Variants in EZH2 observed in about 807,000 individuals in gnomAD.
EZH2 encodes the protein enhancer of zeste 2 polycomb repressive complex 2 subunit, also known as histone-lysine N-methyltransferase EZH2.
EZH2 carries 18 observed loss-of-function variants against 98.4 expected under a neutral mutation model. That is an observed-to-expected ratio of 0.18 (90% CI 0.13 to 0.27). The LOEUF (loss-of-function observed/expected upper bound fraction) is 0.27. Among genes scored for constraint, EZH2 ranks in the 10% least tolerant of loss-of-function variants. The pLI, the probability that EZH2 is intolerant of heterozygous loss-of-function variation, is 1.00. For missense variants in EZH2, 470 were observed against 935.1 expected, an observed-to-expected ratio of 0.50 and a Z score of 6.49; for synonymous variants, 338 against 312.3, an observed-to-expected ratio of 1.08 and a Z score of -0.87.
chr7:148,859,505 A>C (rs375433390), intron 1 of EZH2, among the ~76,000 whole-genome samples: 1 of 150,172 alleles, frequency 6.7e-6, no homozygotes, highest in Non-Finnish European at 1.5e-5. Flanking sequence ...TCTGTCTCAA[A>C]AACAACAACA....
intron 1 of EZH2, among the ~76,000 whole-genome samples, chr7:148,853,241 G>A (rs1816177303): frequency 6.6e-6 from 1 of 152,090 alleles, no homozygotes; most frequent in Admixed American, 6.6e-5. Flanking sequence ...GTAAAACCCT[G>A]TTTCTACTAA....
At chr7:148,815,441 T>G in intron 13 of EZH2, 65 bp downstream of exon 13, 1 of 1,522,988 alleles carries the variant, frequency 6.6e-7, no homozygotes, top group Middle Eastern at 1.7e-4. Flanking sequence ...GTTACTATTC[T>G]AAAACAAATG....
intron 1 of EZH2, among the ~76,000 whole-genome samples, chr7:148,858,279 A>G (rs1472739341): frequency 7.1e-6 from 1 of 141,184 alleles, no homozygotes; most frequent in Non-Finnish European, 1.6e-5. Flanking sequence ...GTGACAGAGC[A>G]AGACTCTGTC....
intron 1 of EZH2, among the ~76,000 whole-genome samples, chr7:148,852,660 C>A (rs1190533558): frequency 1.3e-5 from 2 of 152,130 alleles, no homozygotes; most frequent in African/African-American, 4.8e-5. Context: ...TGGAGAAGAG[C>A]CTCAAAGAAC....
At chr7:148,809,040 A>C in intron 19 of EZH2, 31 bp downstream of exon 19, 3 of 1,571,134 alleles carry the variant, frequency 1.9e-6, no homozygotes, top group Non-Finnish European at 2.6e-6. Flanking sequence ...AAAAGCCCTT[A>C]GAGATCATGC....
intron 1 of EZH2, among the ~76,000 whole-genome samples, chr7:148,857,754 T>C (rs1817051831): frequency 6.8e-6 from 1 of 147,652 alleles, no homozygotes. Context: ...CCGTCCCAAA[T>C]AAATAAATAA....
chr7:148,854,172 G>A (rs542177095), intron 1 of EZH2, among the ~76,000 whole-genome samples: 9 of 152,314 alleles, frequency 5.9e-5, no homozygotes, highest in South Asian at 4.1e-4. Flanking sequence ...ACCGGGAGGC[G>A]CGGTGGCTCA....
intron 8 of EZH2, 36 bp downstream of exon 8, chr7:148,826,418 A>C: frequency 6.7e-7 from 1 of 1,494,002 alleles, no homozygotes. Context: ...GCTTTAAAAC[A>C]TAATTCCACA....
At chr7:148,840,423 A>T (rs191951272) in intron 3 of EZH2, among the ~76,000 whole-genome samples, 2 of 152,196 alleles carry the variant, frequency 1.3e-5, no homozygotes, top group Non-Finnish European at 2.9e-5. Context: ...AATAATTTTT[A>T]AAAATAAAAT....
intron 3 of EZH2, among the ~76,000 whole-genome samples, chr7:148,844,876 T>C (rs1215661466): frequency 6.6e-6 from 1 of 152,176 alleles, no homozygotes; most frequent in African/African-American, 2.4e-5. Flanking sequence ...CTGAGCAAAG[T>C]GTGCTCTTCT....
At chr7:148,808,871 T>C (rs1425774934) in intron 19 of EZH2, among the ~76,000 whole-genome samples, 200 bp downstream of exon 19, 2 of 152,148 alleles carry the variant, frequency 1.3e-5, no homozygotes, top group Admixed American at 6.5e-5. Context: ...TTTACTCTAT[T>C]TTAAAAATAA....
chr7:148,844,854 T>TA (rs1260201775), intron 3 of EZH2, among the ~76,000 whole-genome samples: 11 of 152,170 alleles, frequency 7.2e-5, no homozygotes, highest in Non-Finnish European at 1.2e-4. Context: ...ACTTCACTAA[T>TA]ACTTCATGTG....
At chr7:148,813,035 C>A (rs920650369) in intron 15 of EZH2, among the ~76,000 whole-genome samples, 2 of 147,830 alleles carry the variant, frequency 1.4e-5, no homozygotes, top group Admixed American at 6.9e-5. Context: ...AAAGATATGT[C>A]TACTCTACAC....
chr7:148,819,961 A>C (rs1805539942), intron 8 of EZH2, among the ~76,000 whole-genome samples: 3 of 152,226 alleles, frequency 2.0e-5, no homozygotes, highest in Non-Finnish European at 4.4e-5. Flanking sequence ...ACTGATGCGC[A>C]TAACTATGGT....
At chr7:148,870,719 G>A (rs1304345883) in intron 1 of EZH2, among the ~76,000 whole-genome samples, 1 of 149,152 alleles carries the variant, frequency 6.7e-6, no homozygotes, top group Non-Finnish European at 1.5e-5. Flanking sequence ...AAAGTATAAA[G>A]TTCATCTTAT....
rs548827822 is a variant in EZH2 at position 148,854,058 on chromosome 7, A to T, written c.-7-6753T>A. On this transcript the variant is annotated intron_variant, in intron 1 of 19. Transcript: ENST00000320356. ...TCCACTTGTGAGAGGTATTTACCTA[A>T]ATCAGACATTCCTGTCCCTCTTTAC... Among the ~76,000 whole-genome samples the T allele has an allele frequency of 2.3e-4, 35 of 152,286 alleles. No homozygotes were observed. The South Asian group carries it at 5.8e-3, about 25-fold the overall frequency.
intron 1 of EZH2, among the ~76,000 whole-genome samples, chr7:148,868,897 C>T (rs1484938651): frequency 1.3e-5 from 2 of 151,982 alleles, no homozygotes; most frequent in Non-Finnish European, 2.9e-5. Context: ...CAGTTACATG[C>T]TATTTGTAAA....
At chr7:148,876,622 A>AT (rs1194923499) in intron 1 of EZH2, among the ~76,000 whole-genome samples, 2 of 152,224 alleles carry the variant, frequency 1.3e-5, no homozygotes, top group African/African-American at 2.4e-5. Context: ...AGAGAAAACA[A>AT]TGTCAATCAC....
intron 8 of EZH2, among the ~76,000 whole-genome samples, chr7:148,821,979 G>C (rs535466870): frequency 6.6e-6 from 1 of 152,280 alleles, no homozygotes; most frequent in Admixed American, 6.5e-5. Context: ...ATGGCAACAG[G>C]CAATGAAGGA....
Sources: gnomAD v4.1 joint callset for allele counts (sites outside exome capture counted in the v4.1 genomes callset) on GRCh38, gnomAD v4.1.1 for gene constraint, MANE v1.5 for transcripts, NCBI Gene and HGNC (gene_info 2026-07-23, HGNC 2026-07-21) for gene names.